Variants in UNC5B observed in about 807,000 individuals in gnomAD.
The protein encoded by UNC5B is netrin receptor UNC5B.
A neutral mutation model predicts 103.7 loss-of-function variants in UNC5B; 56 were observed. The ratio of observed to expected loss-of-function variants is 0.54; its 90% CI spans 0.44 to 0.67. The LOEUF is 0.67. UNC5B is among the 30% of genes least tolerant of loss of function. The pLI, the probability that UNC5B is intolerant of heterozygous loss-of-function variation, is 0.00. For missense variants in UNC5B, 1,194 were observed against 1,284.5 expected (o/e 0.93, Z 1.08); for synonymous variants, 577 against 542.0 (o/e 1.06, Z -0.90).
At position 71,299,550 on chromosome 10, in the gene UNC5B, C is replaced by T. The variant is rs113549695; in HGVS notation, c.*273C>T. The T allele has an allele frequency of 1.2e-5, 4 of 347,524 alleles. No individual in the cohort carries two copies. The highest frequency in any genetic ancestry group is 2.1e-5 in the Non-Finnish European group (4 of 191,402). 21.5% of individuals were successfully genotyped at this position (347,524 alleles called of 1,614,324 possible). A position where few individuals can be genotyped will look rare whatever the true frequency, so the allele number is the denominator to read the frequency against. Reference sequence around the variant, plus strand: ...AGGAACCAAGATGGGGCTGAAGCCTCTGGAGGCAGTTGGTTGGGGGCGGGC... The same window carrying T: ...AGGAACCAAGATGGGGCTGAAGCCTTTGGAGGCAGTTGGTTGGGGGCGGGC... On this transcript the variant is annotated 3_prime_UTR_variant, in exon 17 of 17. Transcript: ENST00000335350.
rs370476737 is a variant in UNC5B, at chr10:71,286,895, G to A, written c.733+26G>A. On this transcript the variant is annotated intron_variant, in intron 5 of 16. Transcript: ENST00000335350. Reference sequence around the variant, plus strand: ...GTGCGGGCCTTTCGGAGTGGGAGGGGCAGACACGGCCAAGGGAGGGAGGAG... The same window carrying A: ...GTGCGGGCCTTTCGGAGTGGGAGGGACAGACACGGCCAAGGGAGGGAGGAG... The A allele has an allele frequency of 3.4e-5, 55 of 1,607,764 alleles. No homozygotes were observed. In the African/African-American group the frequency reaches 6.3e-4, roughly 18 times the overall value.
At chr10:71,243,447 C>G (rs1292975203) in intron 1 of UNC5B, among the ~76,000 whole-genome samples, 1 of 152,152 alleles carries the variant, frequency 6.6e-6, no homozygotes, top group Admixed American at 6.5e-5. Context: ...CTATTGAGCA[C>G]TGGAAATATG....
At chr10:71,284,626 G>A in intron 2 of UNC5B, 94 bp from the exon 3 acceptor site, 2 of 1,567,374 alleles carry the variant, frequency 1.3e-6, no homozygotes, top group Non-Finnish European at 8.6e-7. Flanking sequence ...GGGCAAGAGT[G>A]CCAGCAGGAT....
chr10:71,252,209 CCT>C (rs1341059697), intron 1 of UNC5B, among the ~76,000 whole-genome samples: 1 of 152,174 alleles, frequency 6.6e-6, no homozygotes, highest in Non-Finnish European at 1.5e-5. Context: ...GATCTCTTGC[CCT>C]CTCTGGGCCT....
chr10:71,212,953 G>T lies in UNC5B; in HGVS notation c.-33G>T. On this transcript the variant is annotated 5_prime_UTR_variant, in exon 1 of 17. Coordinates refer to ENST00000335350, the MANE Select transcript of UNC5B (RefSeq NM_170744.5). ...AGACTGGGGCCAGGGAGACAGCCCT[G>T]GGGGAGAGGCGCCCGAACCAGGCCG... The T allele has an allele frequency of 7.6e-7, 1 of 1,314,104 alleles. No individual in the cohort carries two copies. Among genetic ancestry groups the T allele is most frequent in the Non-Finnish European group, 9.7e-7 (1 of 1,029,854 alleles). 81.4% of individuals were successfully genotyped at this position (1,314,104 alleles called of 1,614,324 possible).
chr10:71,232,157 G>A (rs867942274), intron 1 of UNC5B, among the ~76,000 whole-genome samples: 15 of 152,274 alleles, frequency 9.9e-5, no homozygotes, highest in Admixed American at 7.8e-4. Context: ...GCCCATCTCC[G>A]ATGACTGCCC....
intron 1 of UNC5B, among the ~76,000 whole-genome samples, chr10:71,256,236 C>T (rs1191095015): frequency 1.3e-5 from 2 of 152,128 alleles, no homozygotes; most frequent in South Asian, 2.1e-4. Flanking sequence ...GACGAGTACC[C>T]GCCACACCCC....
intron 1 of UNC5B, among the ~76,000 whole-genome samples, chr10:71,245,002 A>C (rs1313090417): frequency 6.6e-6 from 1 of 152,220 alleles, no homozygotes; most frequent in Non-Finnish European, 1.5e-5. Context: ...ACAGGCCACT[A>C]AATAATAACC....
At chr10:71,292,586 C>G (rs1357642278) in intron 11 of UNC5B, 32 bp downstream of exon 11, 1 of 1,565,734 alleles carries the variant, frequency 6.4e-7, no homozygotes, top group Admixed American at 1.9e-5. Context: ...GCTCCTTTTT[C>G]TTCCTCCCAT....
chr10:71,298,101 C>G lies in UNC5B; in HGVS notation c.2672+11C>G. On this transcript the variant is annotated intron_variant, in intron 16 of 16. Coordinates refer to ENST00000335350, the MANE Select transcript of UNC5B (RefSeq NM_170744.5). ...GCTCTCTATGGACCGGTGAGTATCC[C>G]AAACCACAGCCCATCCCCATCTGCC... 1.3e-6 allele frequency: 2 copies of G among 1,591,938 alleles called. No homozygotes were observed. Among genetic ancestry groups the G allele is most frequent in the Non-Finnish European group, 1.7e-6 (2 of 1,169,636 alleles).
At chr10:71,253,003 T>C (rs1388710813) in intron 1 of UNC5B, among the ~76,000 whole-genome samples, 1 of 152,206 alleles carries the variant, frequency 6.6e-6, no homozygotes, top group African/African-American at 2.4e-5. Context: ...CCCCAGGACC[T>C]GTGTCCAGGA....
At position 71,291,122 on chromosome 10, in the gene UNC5B, G is replaced by T; in HGVS notation, c.1294+13G>T. 1 of 1,605,196 alleles carries T rather than the reference G, an allele frequency of 6.2e-7. No homozygotes were observed. The highest frequency in any genetic ancestry group is 8.5e-7 in the Non-Finnish European group (1 of 1,173,268). ...ACGGCAAGGCCCAGTAAGAACCCGAGGATGTCTGGGGTGGTTGGCAGAGGC... is the reference window on the plus strand; with the variant it reads ...ACGGCAAGGCCCAGTAAGAACCCGATGATGTCTGGGGTGGTTGGCAGAGGC... On this transcript the variant is annotated intron_variant, in intron 9 of 16. Transcript: ENST00000335350.
At chr10:71,225,091 A>C (rs1178292121) in intron 1 of UNC5B, among the ~76,000 whole-genome samples, 1 of 152,190 alleles carries the variant, frequency 6.6e-6, no homozygotes, top group Non-Finnish European at 1.5e-5. Flanking sequence ...CTGGACTAGG[A>C]GTCTGGAATC....
chr10:71,291,511 C>T lies in UNC5B; in HGVS notation c.1374C>T (p.Ala458=). ...GCATCTACCGCGGACCCGTGTATGCCCTGCAGGACTCCACCGACAAAATCC... is the reference window on the plus strand; with the variant it reads ...GCATCTACCGCGGACCCGTGTATGCTCTGCAGGACTCCACCGACAAAATCC... ...SAGIYRGPVY[A]LQDSTDKIPM... is the part of the protein sequence containing the mutation. Residue 458 remains alanine, a synonymous_variant, in exon 10 of 17, where the codon GCC becomes GCT. Transcript: ENST00000335350. The T allele has an allele frequency of 6.2e-7, 1 of 1,614,128 alleles. No homozygotes were observed. Among genetic ancestry groups the T allele is most frequent in the African/African-American group, 1.3e-5 (1 of 75,036 alleles).
chr10:71,252,077 G>A (rs1208842644), intron 1 of UNC5B, among the ~76,000 whole-genome samples: 1 of 152,186 alleles, frequency 6.6e-6, no homozygotes, highest in African/African-American at 2.4e-5. Context: ...TTTCCCAAAT[G>A]CCTGTGCTTT....
At chr10:71,234,380 G>A (rs1843736538) in intron 1 of UNC5B, among the ~76,000 whole-genome samples, 1 of 152,228 alleles carries the variant, frequency 6.6e-6, no homozygotes, top group Admixed American at 6.5e-5. Flanking sequence ...TTGGTCCCAA[G>A]GTTTATGGAC....
chr10:71,251,178 G>A (rs571944613), intron 1 of UNC5B, among the ~76,000 whole-genome samples: 2 of 152,124 alleles, frequency 1.3e-5, no homozygotes, highest in Non-Finnish European at 2.9e-5. Context: ...AGGTTACCCC[G>A]CTGCTTGCTT....
chr10:71,258,262 T>C (rs7096147), intron 1 of UNC5B, among the ~76,000 whole-genome samples: 86,154 of 152,018 alleles, frequency 0.57, 24,751 homozygotes, highest in Middle Eastern at 0.61. Context: ...GTGCCCTCAG[T>C]CTGGGCCAGG....
intron 1 of UNC5B, among the ~76,000 whole-genome samples, chr10:71,261,174 C>T (rs556918557): frequency 7.9e-5 from 12 of 152,316 alleles, no homozygotes; most frequent in African/African-American, 2.9e-4. Context: ...TTAGGCAAGT[C>T]ACCCCAACTC....
Sources: allele counts gnomAD v4.1 joint callset (sites outside exome capture counted in the v4.1 genomes callset), GRCh38; gene constraint gnomAD v4.1.1; transcripts MANE v1.5; gene names NCBI Gene and HGNC (gene_info 2026-07-23, HGNC 2026-07-21).